Variants in VPS13B observed in about 807,000 individuals in gnomAD.
VPS13B encodes the protein intermembrane lipid transfer protein VPS13B.
In VPS13B, 285 loss-of-function variants were observed where a neutral mutation model predicts 426.4. That is an observed-to-expected ratio of 0.67 (90% CI 0.61 to 0.74). VPS13B has a LOEUF of 0.74. Ranked by LOEUF, VPS13B falls within the 30% of genes least tolerant of loss-of-function variation. The pLI is 0.00. For missense variants in VPS13B, 4,537 were observed against 4,782.6 expected (o/e 0.95, Z 1.51); for synonymous variants, 1,676 against 1,676.4 (o/e 1.00, Z 0.01).
intron 24 of VPS13B, among the ~76,000 whole-genome samples, chr8:99,477,382 G>C (rs1040168110): frequency 6.6e-6 from 1 of 152,014 alleles, no homozygotes; most frequent in Non-Finnish European, 1.5e-5. Flanking sequence ...TATATTTGTT[G>C]TAAGGAAGAG....
intron 8 of VPS13B, among the ~76,000 whole-genome samples, chr8:99,123,873 T>C (rs776752213): frequency 2.0e-4 from 30 of 152,094 alleles, no homozygotes; most frequent in Non-Finnish European, 3.5e-4. Flanking sequence ...AGGAATTTAG[T>C]TTTGGATAGG....
In VPS13B at chr8:99,875,513, T is replaced by C; in HGVS notation, c.11841T>C (p.Ser3947=). ...KTSCHLAPSC[S]SMQIPCPVVA... is the part of the protein sequence containing the mutation. ...CTTGTCACCTGGCCCCCAGCTGTTC[T>C]TCCATGCAAATACCATGCCCTGTGG... Residue 3947 remains serine (S), a synonymous_variant, in exon 62 of 62, where the codon TCT becomes TCC. Coordinates refer to ENST00000357162, the MANE Select transcript of VPS13B (RefSeq NM_152564.5). 1 of 1,614,096 alleles carries C rather than the reference T, an allele frequency of 6.2e-7. No individual in the cohort carries two copies. The highest frequency in any genetic ancestry group is 8.5e-7 in the Non-Finnish European group (1 of 1,180,020).
chr8:99,286,864 C>T (rs963966748), intron 19 of VPS13B, among the ~76,000 whole-genome samples: 4 of 151,948 alleles, frequency 2.6e-5, no homozygotes, highest in Non-Finnish European at 5.9e-5. Context: ...ATGATACCAC[C>T]GGCAGAGGGC....
chr8:99,491,264 C>T (rs1431894215), intron 25 of VPS13B, among the ~76,000 whole-genome samples: 1 of 152,142 alleles, frequency 6.6e-6, no homozygotes, highest in Non-Finnish European at 1.5e-5. Context: ...TTGTGGGTAA[C>T]CTGATCTTTC....
chr8:99,851,198 C>A (rs1456087701), intron 55 of VPS13B, among the ~76,000 whole-genome samples: 1 of 152,142 alleles, frequency 6.6e-6, no homozygotes, highest in Non-Finnish European at 1.5e-5. Context: ...ACAATAGAAG[C>A]AAACTTTCAT....
intron 29 of VPS13B, among the ~76,000 whole-genome samples, chr8:99,513,756 A>T (rs1013870884): frequency 1.3e-5 from 2 of 152,202 alleles, no homozygotes; most frequent in Non-Finnish European, 2.9e-5. Flanking sequence ...TTCATTGCCT[A>T]TTTATTAAGT....
intron 16 of VPS13B, among the ~76,000 whole-genome samples, chr8:99,180,420 C>G (rs1367475249): frequency 6.6e-6 from 1 of 152,164 alleles, no homozygotes; most frequent in Non-Finnish European, 1.5e-5. Context: ...GACCTTGTCT[C>G]TGTTTCATGG....
intron 45 of VPS13B, 99 bp downstream of exon 45, chr8:99,817,902 C>T: frequency 6.3e-7 from 1 of 1,574,912 alleles, no homozygotes; most frequent in East Asian, 2.3e-5. Flanking sequence ...TAAAAAGTGA[C>T]ATATAAAAAA....
chr8:99,515,903 T>G (rs1306780261), intron 29 of VPS13B, among the ~76,000 whole-genome samples: 1 of 152,190 alleles, frequency 6.6e-6, no homozygotes. Flanking sequence ...CTTTTCCTTA[T>G]TAATTAATAC....
intron 23 of VPS13B, among the ~76,000 whole-genome samples, chr8:99,461,193 G>T (rs1440684336): frequency 6.6e-6 from 1 of 151,456 alleles, no homozygotes; most frequent in East Asian, 1.9e-4. Flanking sequence ...GGAAATGATT[G>T]CATTTCACTA....
intron 35 of VPS13B, among the ~76,000 whole-genome samples, chr8:99,676,096 A>G (rs1376372931): frequency 1.3e-5 from 2 of 152,078 alleles, no homozygotes; most frequent in Non-Finnish European, 2.9e-5. Flanking sequence ...TTGTCTGAGA[A>G]TGCCCTTCAA....
Position 99,233,163 on chromosome 8 carries a change from G to T in VPS13B, c.2515+40106G>T, listed in dbSNP as rs1021445825. 184 of 1,399,542 alleles carry T rather than the reference G, an allele frequency of 1.3e-4. No individual in the cohort carries two copies. The African/African-American group carries it at 2.2e-3, about 17-fold the overall frequency. 86.7% of individuals were successfully genotyped at this position (1,399,542 alleles called of 1,614,324 possible). A position where few individuals can be genotyped will look rare whatever the true frequency, so the allele number is the denominator to read the frequency against. On this transcript the variant is annotated intron_variant, in intron 17 of 61. Coordinates refer to ENST00000357162, the MANE Select transcript of VPS13B (RefSeq NM_152564.5). ...CAGTCTGGCTAGCAAAGAAGTGCCC[G>T]ATAATTCTGATGATCACTTCCTCAT...
At chr8:99,503,752 C>G (rs373842560) in intron 27 of VPS13B, among the ~76,000 whole-genome samples, 15 of 152,294 alleles carry the variant, frequency 9.8e-5, no homozygotes, top group African/African-American at 3.6e-4. Flanking sequence ...CTTGGTCTCA[C>G]ATTGTTTTCA....
At chr8:99,609,529 T>TAC (rs1398739629) in intron 33 of VPS13B, among the ~76,000 whole-genome samples, 3 of 152,182 alleles carry the variant, frequency 2.0e-5, no homozygotes, top group Non-Finnish European at 4.4e-5. Flanking sequence ...GGAGGAACTG[T>TAC]AGTTTTGTCA....
chr8:99,146,726 C>T (rs1052897877), intron 13 of VPS13B, among the ~76,000 whole-genome samples: 2 of 152,068 alleles, frequency 1.3e-5, no homozygotes, highest in African/African-American at 4.8e-5. Flanking sequence ...GTGTGCACCA[C>T]CAAGCCCAGC....
intron 43 of VPS13B, among the ~76,000 whole-genome samples, chr8:99,808,804 AAAAAG>A (rs1180160147): frequency 6.6e-6 from 1 of 151,732 alleles, no homozygotes; most frequent in Non-Finnish European, 1.5e-5. Flanking sequence ...AACAAAAAAA[AAAAAG>A]AACAAATACA....
intron 39 of VPS13B, among the ~76,000 whole-genome samples, chr8:99,737,103 CTTCTTTTT>C (rs1833865784): frequency 2.0e-5 from 1 of 50,664 alleles, no homozygotes; most frequent in Non-Finnish European, 3.9e-5. Flanking sequence ...TGAAGATGTC[CTTCTTTTT>C]TTTTTTTTTT....
chr8:99,402,412 A>T (rs971436902), intron 21 of VPS13B, among the ~76,000 whole-genome samples: 28 of 152,146 alleles, frequency 1.8e-4, no homozygotes, highest in African/African-American at 3.4e-4. Context: ...AAAGCATTAC[A>T]GTGTACTGTT....
chr8:99,607,250 T>A (rs1827635927), intron 33 of VPS13B, among the ~76,000 whole-genome samples: 1 of 152,240 alleles, frequency 6.6e-6, no homozygotes, highest in Non-Finnish European at 1.5e-5. Context: ...ATTGTAACTA[T>A]TTCCGGAGCT....
Sources: allele counts gnomAD v4.1 joint callset (sites outside exome capture counted in the v4.1 genomes callset), GRCh38; gene constraint gnomAD v4.1.1; transcripts MANE v1.5; gene names NCBI Gene and HGNC (gene_info 2026-07-23, HGNC 2026-07-21).